The following ZFYVE9 variants were observed in gnomAD, a reference collection of about 807,000 sequenced individuals.
The protein encoded by ZFYVE9 is zinc finger FYVE-type containing 9.
In ZFYVE9, 43 loss-of-function variants were observed where a neutral mutation model predicts 126.7. The ratio of observed to expected loss-of-function variants is 0.34; its 90% CI spans 0.27 to 0.44. The LOEUF (loss-of-function observed/expected upper bound fraction) is 0.44. ZFYVE9 is among the 20% of genes least tolerant of loss of function. The pLI is 1.00. For synonymous variants in ZFYVE9, 521 were observed against 597.4 expected (o/e 0.87, Z 1.87); for missense variants, 1,476 against 1,697.0 (o/e 0.87, Z 2.29).
At chr1:52,213,629 C>T (rs112046192) in intron 1 of ZFYVE9, among the ~76,000 whole-genome samples, 12,580 of 151,722 alleles carry the variant, frequency 0.083, 706 homozygotes, top group Non-Finnish European at 0.12. Flanking sequence ...TCCAGCCTGG[C>T]GACAGAGCAA....
chr1:52,334,640 C>T (rs1646373051), intron 14 of ZFYVE9, 48 bp from the exon 15 acceptor site: 2 of 1,577,928 alleles, frequency 1.3e-6, no homozygotes, highest in South Asian at 2.2e-5. Flanking sequence ...TTTTCAATCC[C>T]TCCAGCTTAG....
intron 1 of ZFYVE9, among the ~76,000 whole-genome samples, chr1:52,182,771 AAAAT>A (rs1236975608): frequency 6.6e-6 from 1 of 151,952 alleles, no homozygotes; most frequent in Admixed American, 6.5e-5. Flanking sequence ...AAAATAAAAA[AAAAT>A]AAATATTTTG....
chr1:52,210,920 G>A (rs1332106510), intron 1 of ZFYVE9, among the ~76,000 whole-genome samples: 1 of 152,226 alleles, frequency 6.6e-6, no homozygotes, highest in East Asian at 1.9e-4. Context: ...CTCCCAAAGT[G>A]CTGGGATTAC....
At chr1:52,194,399 A>G (rs1458391159) in intron 1 of ZFYVE9, among the ~76,000 whole-genome samples, 1 of 152,196 alleles carries the variant, frequency 6.6e-6, no homozygotes, top group Non-Finnish European at 1.5e-5. Flanking sequence ...TCACTCAAAC[A>G]TTAAACTGAG....
intron 2 of ZFYVE9, among the ~76,000 whole-genome samples, chr1:52,219,030 G>C (rs1645098541): frequency 6.6e-6 from 1 of 152,104 alleles, no homozygotes; most frequent in African/African-American, 2.4e-5. Flanking sequence ...TTTTAGGGCG[G>C]TGCGACCCTC....
intron 9 of ZFYVE9, among the ~76,000 whole-genome samples, chr1:52,280,994 G>T (rs1010107741): frequency 6.6e-6 from 1 of 152,020 alleles, no homozygotes; most frequent in African/African-American, 2.4e-5. Flanking sequence ...CTTCAATCAC[G>T]TTTGGCTTAC....
At chr1:52,145,686 T>C (rs1644299907) in intron 1 of ZFYVE9, among the ~76,000 whole-genome samples, 1 of 152,202 alleles carries the variant, frequency 6.6e-6, no homozygotes, top group African/African-American at 2.4e-5. Flanking sequence ...TAAATGTACA[T>C]TTCTTTCTTC....
intron 1 of ZFYVE9, among the ~76,000 whole-genome samples, chr1:52,170,750 A>C (rs1557435644): frequency 6.6e-6 from 1 of 152,126 alleles, no homozygotes; most frequent in East Asian, 1.9e-4. Flanking sequence ...TTTAATTTCC[A>C]TGTGTTTGTA....
intron 2 of ZFYVE9, among the ~76,000 whole-genome samples, chr1:52,223,245 C>T (rs1234874098): frequency 6.6e-6 from 1 of 152,156 alleles, no homozygotes; most frequent in Non-Finnish European, 1.5e-5. Flanking sequence ...AATGTCCTGG[C>T]TTTCCACACT....
At chr1:52,187,456 A>G (rs545163780) in intron 1 of ZFYVE9, among the ~76,000 whole-genome samples, 17 of 152,362 alleles carry the variant, frequency 1.1e-4, no homozygotes, top group African/African-American at 4.1e-4. Context: ...AAAAGCAAAA[A>G]TTGACAAATG....
chr1:52,286,079 C>G (rs1645855779), intron 10 of ZFYVE9, among the ~76,000 whole-genome samples: 1 of 151,958 alleles, frequency 6.6e-6, no homozygotes, highest in Admixed American at 6.6e-5. Context: ...TTGCTTGAAC[C>G]CTGGAGGCAG....
At chr1:52,237,030 A>C (rs1162365999) in intron 3 of ZFYVE9, among the ~76,000 whole-genome samples, 3 of 152,148 alleles carry the variant, frequency 2.0e-5, no homozygotes, top group Admixed American at 2.0e-4. Flanking sequence ...GCAAATGGGT[A>C]TCTCTCTCAA....
chr1:52,153,536 AT>A (rs1156365867), intron 1 of ZFYVE9, among the ~76,000 whole-genome samples: 1 of 152,186 alleles, frequency 6.6e-6, no homozygotes, highest in African/African-American at 2.4e-5. Context: ...ATTAAGTGGT[AT>A]CCTAGGGAAT....
intron 10 of ZFYVE9, among the ~76,000 whole-genome samples, chr1:52,287,486 T>C (rs1569675985): frequency 6.6e-6 from 1 of 151,852 alleles, no homozygotes; most frequent in Admixed American, 6.6e-5. Flanking sequence ...TGTTGAACTT[T>C]AATTGCCATT....
At chr1:52,282,830 CT>C (rs1039671915) in intron 10 of ZFYVE9, among the ~76,000 whole-genome samples, 4 of 152,008 alleles carry the variant, frequency 2.6e-5, no homozygotes, top group African/African-American at 7.2e-5. Flanking sequence ...TTTTTGAGAA[CT>C]TTTTTTGGCC....
chr1:52,221,409 A>T (rs529604802), intron 2 of ZFYVE9, among the ~76,000 whole-genome samples: 1 of 152,360 alleles, frequency 6.6e-6, no homozygotes, highest in East Asian at 1.9e-4. Context: ...TTAGGAAAGC[A>T]GCGGGGTTGA....
intron 1 of ZFYVE9, among the ~76,000 whole-genome samples, chr1:52,168,573 G>A (rs181030355): frequency 2.9e-4 from 44 of 150,868 alleles, no homozygotes; most frequent in South Asian, 8.4e-4. Context: ...GCTGGAGTGC[G>A]GTGGCTTGAT....
At chr1:52,338,666 TA>T (rs1213241038) in intron 16 of ZFYVE9, among the ~76,000 whole-genome samples, 4 of 152,232 alleles carry the variant, frequency 2.6e-5, no homozygotes, top group African/African-American at 7.2e-5. Context: ...TAATTTTGAC[TA>T]AATGAAGTGA....
chr1:52,302,577 C>T (rs190811993), intron 12 of ZFYVE9, among the ~76,000 whole-genome samples: 219 of 152,118 alleles, frequency 1.4e-3, no homozygotes, highest in Non-Finnish European at 2.6e-3. Context: ...ATGGCAAAAC[C>T]CCATCTCTAC....
Sources: allele counts gnomAD v4.1 joint callset (sites outside exome capture counted in the v4.1 genomes callset), GRCh38; gene constraint gnomAD v4.1.1; transcripts MANE v1.5; gene names NCBI Gene and HGNC (gene_info 2026-07-23, HGNC 2026-07-21).